Variants in MRPS14 observed in about 807,000 individuals in gnomAD.
MRPS14 encodes small ribosomal subunit protein uS14m.
MRPS14 carries 14 observed loss-of-function variants against 16.4 expected under a neutral mutation model. The ratio of observed to expected loss-of-function variants is 0.85; its 90% confidence interval spans 0.56 to 1.33. The LOEUF (loss-of-function observed/expected upper bound fraction) is 1.33, where lower values mean the gene tolerates loss of function less well. MRPS14 is among the 40% of genes most tolerant of loss of function. The pLI is 0.00. For synonymous variants in MRPS14, 54 were observed against 61.9 expected, an observed-to-expected ratio of 0.87 and a Z score of 0.60; for missense variants, 162 against 176.8, an observed-to-expected ratio of 0.92 and a Z score of 0.48.
In MRPS14 at chr1:175,023,401, G is replaced by A. The variant is rs759902434; in HGVS notation, c.8C>T (p.Ala3Val). The A allele has an allele frequency of 6.9e-5, 112 of 1,614,196 alleles. No homozygotes were observed. Among genetic ancestry groups the A allele is most frequent in the Middle Eastern group, 1.7e-4 (1 of 6,060 alleles). MA[A>V]FMLGSLLRTF... ...CCGCAGCAGCGAGCCCAGCATGAAGGCCGCCATGTTGTCCGCTACAAACTA... is the reference window on the plus strand; with the variant it reads ...CCGCAGCAGCGAGCCCAGCATGAAGACCGCCATGTTGTCCGCTACAAACTA... The change falls in exon 1 of 3, where the codon GCC (alanine) becomes GTC (valine). Residue 3 changes from alanine to valine, a missense_variant. Coordinates refer to ENST00000476371, the MANE Select transcript of MRPS14 (RefSeq NM_022100.3).
chr1:175,021,268 C>T (rs1163575377), intron 1 of MRPS14, among the ~76,000 whole-genome samples: 1 of 152,130 alleles, frequency 6.6e-6, no homozygotes, highest in African/African-American at 2.4e-5. Flanking sequence ...CATTTTTCCA[C>T]GATTTTGGAT....
At chr1:175,017,865 C>A (rs1188741116) in intron 2 of MRPS14, among the ~76,000 whole-genome samples, 1 of 152,178 alleles carries the variant, frequency 6.6e-6, no homozygotes, top group African/African-American at 2.4e-5. Flanking sequence ...GTGGCTCACA[C>A]CTGTAATCCC....
chr1:175,013,361 C>G lies in MRPS14; in HGVS notation c.*1308G>C, dbSNP rs1464463212. 1 of 152,196 alleles carries G rather than the reference C, an allele frequency of 6.6e-6. No individual in the cohort carries two copies. Among genetic ancestry groups the G allele is most frequent in the African/African-American group, 2.4e-5 (1 of 41,446 alleles). 9.4% of individuals were successfully genotyped at this position (152,196 alleles called of 1,614,324 possible). On this transcript the variant is annotated 3_prime_UTR_variant, in exon 3 of 3. Transcript: ENST00000476371. ...AAATTTTCTATCTTGGAGTTGCCCT[C>G]TTGGAATTGCCCTCTACCATCTATC...
rs545206633 is a variant in MRPS14 at position 175,013,006 on chromosome 1, A to AACT, written c.*1660_*1662dup. 105 of 152,318 alleles carry AACT rather than the reference A, an allele frequency of 6.9e-4. 1 individual carries two copies. Among genetic ancestry groups the AACT allele is most frequent in the African/African-American group, 2.3e-3 (97 of 41,562 alleles). 9.4% of individuals were successfully genotyped at this position (152,318 alleles called of 1,614,324 possible). On this transcript the variant is annotated 3_prime_UTR_variant, in exon 3 of 3. Coordinates refer to ENST00000476371, the MANE Select transcript of MRPS14 (RefSeq NM_022100.3). ...ATTTTGGAAGTACACAAAATGTTCA[A>AACT]ACTATAGCATGTATATATATCAAGT...
intron 2 of MRPS14, 79 bp downstream of exon 2, chr1:175,018,339 A>G (rs1034283804): frequency 2.3e-6 from 3 of 1,302,480 alleles, no homozygotes; most frequent in Non-Finnish European, 2.1e-6. Context: ...ATACCAAGTC[A>G]CAACAAACAG....
intron 1 of MRPS14, among the ~76,000 whole-genome samples, chr1:175,020,142 G>T (rs1672952549): frequency 6.6e-6 from 1 of 152,200 alleles, no homozygotes; most frequent in Admixed American, 6.5e-5. Flanking sequence ...GTCACAGAAA[G>T]AGGGGCTTTG....
At chr1:175,016,898 T>C (rs760566447) in intron 2 of MRPS14, among the ~76,000 whole-genome samples, 20 of 152,152 alleles carry the variant, frequency 1.3e-4, no homozygotes, top group Non-Finnish European at 2.5e-4. Flanking sequence ...CCACAGAATT[T>C]ATTCATCTTA....
rs766887314 is a variant in MRPS14, at chr1:175,014,632, T to G, written c.*37A>C. 3.1e-5 allele frequency: 48 copies of G among 1,561,060 alleles called. No individual in the cohort carries two copies. Among genetic ancestry groups the G allele is most frequent in the Admixed American group, 6.2e-5 (3 of 48,350 alleles). On this transcript the variant is annotated 3_prime_UTR_variant, in exon 3 of 3. Transcript: ENST00000476371. Reference sequence around the variant, plus strand: ...TCTTTGCTTGCTGGAACTGCAAGCTTGGCTTCCCTGCAAGCTCAATAGGTT... The same window carrying G: ...TCTTTGCTTGCTGGAACTGCAAGCTGGGCTTCCCTGCAAGCTCAATAGGTT...
At chr1:175,017,512 C>T (rs979841091) in intron 2 of MRPS14, among the ~76,000 whole-genome samples, 2 of 152,178 alleles carry the variant, frequency 1.3e-5, no homozygotes, top group Non-Finnish European at 2.9e-5. Flanking sequence ...ATTCTGCCAA[C>T]TTCTCTAAAT....
Position 175,018,345 on chromosome 1 carries a change from A to T in MRPS14, c.204+73T>A, listed in dbSNP as rs895436956. On this transcript the variant is annotated intron_variant, in intron 2 of 2. Coordinates refer to ENST00000476371, the MANE Select transcript of MRPS14 (RefSeq NM_022100.3). ...ATTATATTGATACCAAGTCACAACA[A>T]ACAGTATCAAAAGTGATCTGATGTT... The T allele has an allele frequency of 3.7e-6, 5 of 1,346,940 alleles. No individual in the cohort carries two copies. The South Asian group carries it at 7.5e-5, about 20-fold the overall frequency. 83.4% of individuals were successfully genotyped at this position (1,346,940 alleles called of 1,614,324 possible).
rs1242181903 is a variant in MRPS14, at chr1:175,023,387, A to G, written c.22T>C (p.Ser8Pro). MAAFMLG[S>P]LLRTFKQMVP... ...ACCTGCTTGAACGTCCGCAGCAGCG[A>G]GCCCAGCATGAAGGCCGCCATGTTG... The change falls in exon 1 of 3, where the codon TCG becomes CCG. Residue 8 changes from serine (S) to proline (P), a missense_variant. Ser to Pro is a moderately conservative substitution (Grantham distance 74, BLOSUM62 -1). Coordinates refer to ENST00000476371, the MANE Select transcript of MRPS14 (RefSeq NM_022100.3). 1 of 1,614,072 alleles carries G rather than the reference A, an allele frequency of 6.2e-7. No individual in the cohort carries two copies. Among genetic ancestry groups the G allele is most frequent in the Admixed American group, 1.7e-5 (1 of 60,006 alleles).
intron 2 of MRPS14, among the ~76,000 whole-genome samples, chr1:175,015,690 G>A (rs10912867): frequency 0.17 from 25,571 of 152,204 alleles, 2,608 homozygotes; most frequent in Non-Finnish European, 0.23. Flanking sequence ...TGTCAGTAGA[G>A]ATTTCTTCTT....
intron 1 of MRPS14, among the ~76,000 whole-genome samples, chr1:175,020,286 A>T (rs1558331381): frequency 6.6e-6 from 1 of 152,218 alleles, no homozygotes; most frequent in Non-Finnish European, 1.5e-5. Context: ...ATCAAGGAGA[A>T]ATCAAAGAAA....
At position 175,013,351 on chromosome 1, in the gene MRPS14, G is replaced by T. The variant is rs769805366; in HGVS notation, c.*1318C>A. 33 of 152,096 alleles carry T rather than the reference G, an allele frequency of 2.2e-4. No individual in the cohort carries two copies. Among genetic ancestry groups the T allele is most frequent in the Non-Finnish European group, 4.1e-4 (28 of 68,036 alleles). 9.4% of individuals were successfully genotyped at this position (152,096 alleles called of 1,614,324 possible). Reference sequence around the variant, plus strand: ...TTCTTTTTCCAAATTTTCTATCTTGGAGTTGCCCTCTTGGAATTGCCCTCT... The same window carrying T: ...TTCTTTTTCCAAATTTTCTATCTTGTAGTTGCCCTCTTGGAATTGCCCTCT... On this transcript the variant is annotated 3_prime_UTR_variant, in exon 3 of 3. Transcript: ENST00000476371.
rs80075298 is a variant in MRPS14, at chr1:175,016,901, T to C, written c.204+1517A>G. On this transcript the variant is annotated intron_variant, in intron 2 of 2. Transcript: ENST00000476371. ...TGTGCGTTAGCTCCACAGAATTTAT[T>C]CATCTTACAACAGGAAGTATACCCT... Among the ~76,000 whole-genome samples the C allele has an allele frequency of 7.0e-4, 107 of 152,292 alleles. 3 individuals are homozygous for C. The East Asian group carries it at 0.02, about 29-fold the overall frequency.
Position 175,013,417 on chromosome 1 carries a change from A to G in MRPS14, c.*1252T>C, listed in dbSNP as rs887531907. The G allele has an allele frequency of 5.9e-5, 9 of 152,192 alleles. No individual in the cohort carries two copies. The highest frequency in any genetic ancestry group is 2.2e-4 in the African/African-American group (9 of 41,434). The allele number at this position is 152,192 out of a possible 1,614,324, so 9.4% of individuals were successfully genotyped here. The stretch of plus-strand genomic sequence containing the variant: ...ACTTTTATCAGGAACCCAGAGAACC[A>G]TCTTTACCTCTTAGATATAATCAGT... On this transcript the variant is annotated 3_prime_UTR_variant, in exon 3 of 3. Transcript: ENST00000476371.
Position 175,023,349 on chromosome 1 carries a change from A to T in MRPS14, c.45+15T>A. 2 of 1,613,856 alleles carry T rather than the reference A, an allele frequency of 1.2e-6. No homozygotes were observed. Among genetic ancestry groups the T allele is most frequent in the Non-Finnish European group, 1.7e-6 (2 of 1,179,922 alleles). ...CGGTGAGGGGTAGCGGTGTGGATAA[A>T]AGTAGAGGCCTGACCTGCTTGAACG... On this transcript the variant is annotated intron_variant, in intron 1 of 2. Transcript: ENST00000476371.
chr1:175,014,227 T>G lies in MRPS14; in HGVS notation c.*442A>C, dbSNP rs554423838. 7.9e-4 allele frequency: 177 copies of G among 223,634 alleles called. No individual in the cohort carries two copies. Among genetic ancestry groups the G allele is most frequent in the African/African-American group, 3.6e-3 (161 of 44,338 alleles). The allele number at this position is 223,634 out of a possible 1,614,324, so 13.9% of individuals were successfully genotyped here. Reference sequence around the variant, plus strand: ...ATCCAATCTGTTTATCTAACAATAATAGTTAAGGGGAGCTCTGCAGGTCAG... The same window carrying G: ...ATCCAATCTGTTTATCTAACAATAAGAGTTAAGGGGAGCTCTGCAGGTCAG... On this transcript the variant is annotated 3_prime_UTR_variant, in exon 3 of 3. Transcript: ENST00000476371.
chr1:175,016,128 C>G lies in MRPS14; in HGVS notation c.205-1277G>C, dbSNP rs187066524. On this transcript the variant is annotated intron_variant, in intron 2 of 2. Coordinates refer to ENST00000476371, the MANE Select transcript of MRPS14 (RefSeq NM_022100.3). Reference sequence around the variant, plus strand: ...AGCAGAATCGCTTGAACCCAGGAGGCAGATGTGGTGAGCCCAGATTGTGCC... The same window carrying G: ...AGCAGAATCGCTTGAACCCAGGAGGGAGATGTGGTGAGCCCAGATTGTGCC... Among the ~76,000 whole-genome samples the G allele has an allele frequency of 1.7e-3, 250 of 150,258 alleles. 1 individual carries two copies. The highest frequency in any genetic ancestry group is 7.0e-3 in the Middle Eastern group (2 of 286).
Sources: gnomAD v4.1 joint callset for allele counts (sites outside exome capture counted in the v4.1 genomes callset) on GRCh38, gnomAD v4.1.1 for gene constraint, MANE v1.5 for transcripts, NCBI Gene and HGNC (gene_info 2026-07-23, HGNC 2026-07-21) for gene names.